Variants in FRMPD4 observed in about 807,000 individuals in gnomAD.
FRMPD4 encodes FERM and PDZ domain-containing protein 4.
A neutral mutation model predicts 94.1 loss-of-function variants in FRMPD4; 22 were observed. The observed-to-expected ratio is 0.23, with a 90% CI of 0.17 to 0.33. The LOEUF is 0.33. Ranked by LOEUF, FRMPD4 falls within the 10% of genes least tolerant of loss-of-function variation. FRMPD4 has a pLI of 1.00. For missense variants in FRMPD4, 1,111 were observed against 1,339.9 expected (o/e 0.83, Z 2.67); for synonymous variants, 631 against 548.6 (o/e 1.15, Z -2.10).
rs1282514200 is a variant in FRMPD4 at position 11,846,368 on chromosome X, A to C, written c.-160-18718A>C. On this transcript the variant is annotated intron_variant, in intron 1 of 18. Coordinates refer to the FRMPD4 transcript ENST00000640291. Reference sequence around the variant, plus strand: ...AAGGAGAACTACAAACCACTGCTCAATGAAGTAAAAGAGGATACAAAGAAA... The same window carrying C: ...AAGGAGAACTACAAACCACTGCTCACTGAAGTAAAAGAGGATACAAAGAAA... Among the ~76,000 whole-genome samples, 9 of 110,577 alleles carry C rather than the reference A, an allele frequency of 8.1e-5. No homozygotes were observed. In the South Asian group the frequency reaches 2.7e-3, roughly 33 times the overall value.
intron 4 of FRMPD4, among the ~76,000 whole-genome samples, chrX:12,666,033 T>A (rs1365279320): frequency 1.8e-5 from 2 of 109,153 alleles, no homozygotes; most frequent in African/African-American, 6.7e-5. Flanking sequence ...GAGACCCATC[T>A]CATGTGCAAA....
At chrX:12,392,704 CCTTCCTT>C (rs2056493806) in intron 1 of FRMPD4, among the ~76,000 whole-genome samples, 1 of 11,214 alleles carries the variant, frequency 8.9e-5, no homozygotes, top group East Asian at 0.021. Context: ...CTTTGACAGA[CCTTCCTT>C]CCTTCCTTCC....
At chrX:11,919,341 A>T (rs541078499) in intron 3 of FRMPD4, among the ~76,000 whole-genome samples, 1 of 112,613 alleles carries the variant, frequency 8.9e-6, no homozygotes, top group South Asian at 3.7e-4. Context: ...AAATCTAAAG[A>T]ACAAATAAGA....
intron 1 of FRMPD4, among the ~76,000 whole-genome samples, chrX:11,829,548 C>A (rs9887619): frequency 0.28 from 30,610 of 110,722 alleles, 3,133 homozygotes; most frequent in Middle Eastern, 0.37. Flanking sequence ...GCACATGTAC[C>A]CCCTGAATCT....
At chrX:12,190,368 T>C (rs1386688711) in intron 1 of FRMPD4, among the ~76,000 whole-genome samples, 1 of 110,814 alleles carries the variant, frequency 9.0e-6, no homozygotes, top group African/African-American at 3.3e-5. Flanking sequence ...TTCTAATGTT[T>C]ATATGGAGAG....
At chrX:12,668,568 G>A (rs1256100369) in intron 4 of FRMPD4, among the ~76,000 whole-genome samples, 1 of 105,497 alleles carries the variant, frequency 9.5e-6, no homozygotes, top group Non-Finnish European at 1.9e-5. Context: ...AAGAAATTCT[G>A]CATGAGGTTA....
intron 1 of FRMPD4, among the ~76,000 whole-genome samples, chrX:12,314,166 A>G (rs1171657635): frequency 8.9e-6 from 1 of 112,550 alleles, no homozygotes; most frequent in African/African-American, 3.2e-5. Flanking sequence ...CCTTCTATCA[A>G]TTAGGCATGG....
chrX:12,540,628 C>T (rs1360800296), intron 2 of FRMPD4, among the ~76,000 whole-genome samples: 1 of 111,527 alleles, frequency 9.0e-6, no homozygotes, highest in African/African-American at 3.3e-5. Context: ...TAGACTCCCA[C>T]ACAATAATAA....
chrX:12,075,349 T>C (rs2055004590), intron 3 of FRMPD4, among the ~76,000 whole-genome samples: 1 of 106,936 alleles, frequency 9.4e-6, no homozygotes, highest in Non-Finnish European at 1.9e-5. Flanking sequence ...GTTATGTGTG[T>C]GTGGGGGGTG....
At chrX:11,983,374 A>G (rs1331660777) in intron 3 of FRMPD4, among the ~76,000 whole-genome samples, 1 of 111,283 alleles carries the variant, frequency 9.0e-6, no homozygotes, top group Non-Finnish European at 1.9e-5. Flanking sequence ...TCTCCTCTTT[A>G]CTGTACCACC....
intron 3 of FRMPD4, among the ~76,000 whole-genome samples, chrX:11,990,810 T>G (rs1449709486): frequency 8.9e-6 from 1 of 111,927 alleles, no homozygotes; most frequent in Admixed American, 9.5e-5. Context: ...GGTGTGGAGC[T>G]AGGTCCTCTA....
At chrX:11,830,082 A>G (rs2053466603) in intron 1 of FRMPD4, among the ~76,000 whole-genome samples, 1 of 111,540 alleles carries the variant, frequency 9.0e-6, no homozygotes, top group Admixed American at 9.5e-5. Context: ...AAATAGAAAA[A>G]TAGAAGCATG....
intron 2 of FRMPD4, among the ~76,000 whole-genome samples, chrX:12,581,430 T>G (rs1304867722): frequency 2.9e-5 from 2 of 69,382 alleles, no homozygotes; most frequent in Admixed American, 1.5e-4. Context: ...TTTTTCAAAT[T>G]GAAATTTTAG....
At chrX:12,050,343 A>G (rs1480063154) in intron 3 of FRMPD4, among the ~76,000 whole-genome samples, 4 of 111,869 alleles carry the variant, frequency 3.6e-5, no homozygotes, top group Non-Finnish European at 7.5e-5. Context: ...CATACTTAGC[A>G]TTGTGCTGCA....
chrX:11,971,897 A>G (rs2054342191), intron 3 of FRMPD4, among the ~76,000 whole-genome samples: 1 of 112,475 alleles, frequency 8.9e-6, no homozygotes, highest in South Asian at 3.7e-4. Context: ...TGGAAGTGAT[A>G]TGGTGAGTTG....
At chrX:12,594,636 C>T (rs1178619083) in intron 2 of FRMPD4, among the ~76,000 whole-genome samples, 4 of 109,996 alleles carry the variant, frequency 3.6e-5, no homozygotes, top group South Asian at 7.8e-4. Flanking sequence ...GGGGTTTCAC[C>T]GCGTTAGCCA....
At chrX:12,578,750 G>T (rs1435232332) in intron 2 of FRMPD4, among the ~76,000 whole-genome samples, 1 of 111,547 alleles carries the variant, frequency 9.0e-6, no homozygotes, top group Non-Finnish European at 1.9e-5. Flanking sequence ...TTTACATATA[G>T]AAAGAATAAA....
intron 4 of FRMPD4, among the ~76,000 whole-genome samples, chrX:12,653,914 T>C (rs1267733413): frequency 8.9e-6 from 1 of 111,776 alleles, no homozygotes; most frequent in Non-Finnish European, 1.9e-5. Context: ...ATTACAGGCA[T>C]GTGCCACCAT....
intron 3 of FRMPD4, among the ~76,000 whole-genome samples, chrX:12,083,935 C>A (rs2147487103): frequency 8.9e-6 from 1 of 111,765 alleles, no homozygotes; most frequent in Non-Finnish European, 1.9e-5. Flanking sequence ...ATTTTACAGG[C>A]TCATAGGTGG....
Sources: gnomAD v4.1 joint callset for allele counts (sites outside exome capture counted in the v4.1 genomes callset) on GRCh38, gnomAD v4.1.1 for gene constraint, MANE v1.5 for transcripts, NCBI Gene and HGNC (gene_info 2026-07-23, HGNC 2026-07-21) for gene names.